Variants in DTNBP1 observed in about 807,000 individuals in gnomAD.
DTNBP1 encodes dystrobrevin binding protein 1.
Under a neutral mutation model 42.8 loss-of-function variants are expected in DTNBP1, and 35 were observed. That is an observed-to-expected ratio of 0.82 (90% confidence interval 0.63 to 1.09). The LOEUF is 1.09. Ranked by LOEUF, DTNBP1 falls within the 50% of genes least tolerant of loss-of-function variation. The probability of loss-of-function intolerance (pLI) is 0.00; values close to 1 mark genes in which losing one functional copy is unlikely to be tolerated. For synonymous variants in DTNBP1, 171 were observed against 162.2 expected (o/e 1.05, Z -0.41); for missense variants, 457 against 424.2 (o/e 1.08, Z -0.68).
Position 15,522,851 on chromosome 6 carries a change from C to T in DTNBP1, c.*124G>A, listed in dbSNP as rs1433175647. On this transcript the variant is annotated 3_prime_UTR_variant, in exon 10 of 10. Transcript: ENST00000344537. ...ATTGTTAGCTGTTCTTTAAGTTTCT[C>T]ACACATTATTGGCAATTATGTAAAA... is the stretch of plus-strand genomic sequence containing the variant. The T allele has an allele frequency of 2.0e-6, 3 of 1,527,094 alleles. No individual in the cohort carries two copies. The highest frequency in any genetic ancestry group is 2.7e-5 in the African/African-American group (2 of 73,026). The allele number at this position is 1,527,094 out of a possible 1,614,324, so 94.6% of individuals were successfully genotyped here.
chr6:15,578,472 C>T (rs111483005), intron 7 of DTNBP1, among the ~76,000 whole-genome samples: 3 of 152,202 alleles, frequency 2.0e-5, no homozygotes, highest in Non-Finnish European at 4.4e-5. Context: ...TTCAGCTGCT[C>T]GGGGGCATAC....
intron 4 of DTNBP1, among the ~76,000 whole-genome samples, chr6:15,636,379 G>A (rs959999276): frequency 1.3e-5 from 2 of 152,010 alleles, no homozygotes; most frequent in African/African-American, 4.8e-5. Context: ...TCAAACTCCC[G>A]ACCTCAGGTA....
intron 7 of DTNBP1, among the ~76,000 whole-genome samples, chr6:15,553,517 A>G (rs1277453920): frequency 1.3e-5 from 2 of 149,954 alleles, no homozygotes; most frequent in African/African-American, 4.9e-5. Context: ...TCTTTTATCT[A>G]TCTTTCCTCA....
At chr6:15,547,260 C>G (rs1283744907) in intron 7 of DTNBP1, among the ~76,000 whole-genome samples, 1 of 152,076 alleles carries the variant, frequency 6.6e-6, no homozygotes, top group African/African-American at 2.4e-5. Context: ...GACAGAAAAC[C>G]AGTGGTTCTC....
intron 6 of DTNBP1, among the ~76,000 whole-genome samples, chr6:15,608,926 C>T (rs989647857): frequency 3.9e-5 from 6 of 152,128 alleles, no homozygotes; most frequent in African/African-American, 1.4e-4. Flanking sequence ...TTGTCGGGCA[C>T]TTCATGGGCT....
intron 5 of DTNBP1, among the ~76,000 whole-genome samples, chr6:15,617,820 G>A (rs1270742558): frequency 6.6e-6 from 1 of 152,016 alleles, no homozygotes; most frequent in Non-Finnish European, 1.5e-5. Flanking sequence ...TTTGGACAAA[G>A]ATTTTATGGA....
chr6:15,552,633 G>GA (rs1774278651), intron 7 of DTNBP1, among the ~76,000 whole-genome samples: 1 of 151,794 alleles, frequency 6.6e-6, no homozygotes, highest in African/African-American at 2.4e-5. Flanking sequence ...CTATTTTCTT[G>GA]AAAAAAAGAC....
intron 7 of DTNBP1, among the ~76,000 whole-genome samples, chr6:15,565,395 T>A (rs1411371931): frequency 6.6e-6 from 1 of 152,198 alleles, no homozygotes; most frequent in Non-Finnish European, 1.5e-5. Flanking sequence ...TTTACAGTAG[T>A]ACTTTTTTAA....
chr6:15,576,769 TAAAAAAAAAAA>T (rs34473285), intron 7 of DTNBP1, among the ~76,000 whole-genome samples: 2 of 99,104 alleles, frequency 2.0e-5, no homozygotes, highest in Admixed American at 2.2e-4. Context: ...ACTCTGTCTC[TAAAAAAAAAAA>T]AAAAAAAAAA....
intron 1 of DTNBP1, among the ~76,000 whole-genome samples, chr6:15,659,313 G>A (rs1761457580): frequency 6.6e-6 from 1 of 152,218 alleles, no homozygotes; most frequent in Non-Finnish European, 1.5e-5. Context: ...CTGGGCGACA[G>A]CGGGAGCTGC....
intron 7 of DTNBP1, among the ~76,000 whole-genome samples, chr6:15,552,408 C>T (rs936827643): frequency 6.6e-6 from 1 of 152,198 alleles, no homozygotes; most frequent in Non-Finnish European, 1.5e-5. Flanking sequence ...TAGAATAGCA[C>T]ACAACCTATA....
intron 4 of DTNBP1, among the ~76,000 whole-genome samples, chr6:15,632,086 T>G (rs1581415511): frequency 6.6e-6 from 1 of 152,326 alleles, no homozygotes; most frequent in Admixed American, 6.5e-5. Flanking sequence ...TTTTCTCTTC[T>G]GCAATATGCC....
chr6:15,638,511 G>A (rs904713149), intron 3 of DTNBP1, among the ~76,000 whole-genome samples: 19 of 152,178 alleles, frequency 1.2e-4, no homozygotes, highest in African/African-American at 4.1e-4. Context: ...TTTAATGGAT[G>A]ATACAACTAG....
chr6:15,572,970 G>C (rs769253434), intron 7 of DTNBP1, among the ~76,000 whole-genome samples: 3 of 152,152 alleles, frequency 2.0e-5, no homozygotes, highest in Non-Finnish European at 1.5e-5. Flanking sequence ...AGGCTCAGGC[G>C]ATCCTCCAGC....
intron 6 of DTNBP1, among the ~76,000 whole-genome samples, chr6:15,614,764 G>T (rs1244649604): frequency 6.6e-6 from 1 of 152,080 alleles, no homozygotes; most frequent in East Asian, 1.9e-4. Context: ...CTATGATAGG[G>T]GTACATCATT....
intron 7 of DTNBP1, among the ~76,000 whole-genome samples, chr6:15,570,234 G>A (rs569700880): frequency 6.6e-6 from 1 of 151,448 alleles, no homozygotes; most frequent in South Asian, 2.1e-4. Flanking sequence ...ACTCCCAAGA[G>A]GACTGAGAGA....
At position 15,627,465 on chromosome 6, in the gene DTNBP1, C is replaced by T; in HGVS notation, c.233G>A (p.Ser78Asn). 1 of 1,613,860 alleles carries T rather than the reference C, an allele frequency of 6.2e-7. No individual in the cohort carries two copies. Among genetic ancestry groups the T allele is most frequent in the Admixed American group, 1.7e-5 (1 of 59,992 alleles). ...DCASAGELVD[S>N]EVVMLSAHWE... ...GTGCGCAGAAAGCATGACCACCTCG[C>T]TATCCACCAGCTGCAGCACACAAGA... Residue 78 changes from serine (S) to asparagine (N), a missense_variant, in exon 5 of 10, where the codon AGC becomes AAC. Ser to Asn is a conservative substitution (Grantham distance 46, BLOSUM62 1). Transcript: ENST00000344537.
intron 3 of DTNBP1, among the ~76,000 whole-genome samples, chr6:15,640,858 T>C (rs1760303317): frequency 6.6e-6 from 1 of 152,268 alleles, no homozygotes; most frequent in African/African-American, 2.4e-5. Flanking sequence ...TTTAGCACAA[T>C]GACAGCTACC....
At position 15,615,417 on chromosome 6, in the gene DTNBP1, T is replaced by C. The variant is rs1333646929; in HGVS notation, c.356-18A>G. The stretch of plus-strand genomic sequence containing the variant: ...TAAATGAGCTGAAAGTATATAAAAA[T>C]AAACAGACCTCAAAAGTCAGAATCC... On this transcript the variant is annotated intron_variant, in intron 5 of 9. Coordinates refer to ENST00000344537, the MANE Select transcript of DTNBP1 (RefSeq NM_032122.5). 1.2e-6 allele frequency: 2 copies of C among 1,613,228 alleles called. No homozygotes were observed. The highest frequency in any genetic ancestry group is 8.5e-7 in the Non-Finnish European group (1 of 1,179,964).
Sources: gnomAD v4.1 joint callset for allele counts (sites outside exome capture counted in the v4.1 genomes callset) on GRCh38, gnomAD v4.1.1 for gene constraint, MANE v1.5 for transcripts, NCBI Gene and HGNC (gene_info 2026-07-23, HGNC 2026-07-21) for gene names.